Variants in FOCAD observed in about 807,000 individuals in gnomAD.
FOCAD encodes KIAA1797.
FOCAD carries 198 observed loss-of-function variants against 225.6 expected under a neutral mutation model. The ratio of observed to expected loss-of-function variants is 0.88; its 90% CI spans 0.78 to 0.99. The LOEUF is 0.99. Among genes scored for constraint, FOCAD ranks in the 50% least tolerant of loss-of-function variants. FOCAD has a pLI of 0.00. For missense variants in FOCAD, 2,713 were observed against 2,123.6 expected (o/e 1.28, Z -5.46); for synonymous variants, 897 against 755.0 (o/e 1.19, Z -3.08).
chr9:20,940,424 A>AG (rs1015127902), intron 28 of FOCAD, among the ~76,000 whole-genome samples: 3 of 151,890 alleles, frequency 2.0e-5, no homozygotes, highest in Admixed American at 2.0e-4. Context: ...AGCTGGTACT[A>AG]CAGGCATATG....
chr9:20,852,960 C>G (rs1827816179), intron 15 of FOCAD, among the ~76,000 whole-genome samples: 1 of 151,518 alleles, frequency 6.6e-6, no homozygotes, highest in African/African-American at 2.4e-5. Context: ...GGAGTCTAAC[C>G]TCTATTAGAA....
At chr9:20,678,771 ACT>A (rs1036447587) in intron 2 of FOCAD, among the ~76,000 whole-genome samples, 2 of 151,974 alleles carry the variant, frequency 1.3e-5, no homozygotes, top group Non-Finnish European at 2.9e-5. Context: ...TTGTAACTAC[ACT>A]CTCTCCTTTC....
At chr9:20,720,610 GT>G in intron 4 of FOCAD, 76 bp downstream of exon 4, 4 of 1,435,484 alleles carry the variant, frequency 2.8e-6, no homozygotes, top group Non-Finnish European at 3.8e-6. Context: ...ACTATTAAGA[GT>G]CAGCATTCAT....
intron 24 of FOCAD, among the ~76,000 whole-genome samples, chr9:20,917,505 C>T (rs984378368): frequency 2.0e-5 from 3 of 152,074 alleles, no homozygotes; most frequent in Non-Finnish European, 4.4e-5. Flanking sequence ...AAAAAATACC[C>T]GAAACTTGCT....
At chr9:20,822,672 A>G (rs1316396716) in intron 14 of FOCAD, among the ~76,000 whole-genome samples, 4 of 152,180 alleles carry the variant, frequency 2.6e-5, no homozygotes, top group African/African-American at 9.6e-5. Context: ...CAATTAGGTA[A>G]TTCAGTTCTT....
chr9:20,807,723 C>T (rs969040842), intron 11 of FOCAD, among the ~76,000 whole-genome samples: 1 of 152,138 alleles, frequency 6.6e-6, no homozygotes, highest in African/African-American at 2.4e-5. Context: ...TCCCAATGCT[C>T]ACTTTTTCAA....
chr9:20,957,633 C>A (rs1216971801), intron 35 of FOCAD: 2 of 142,280 alleles, frequency 1.4e-5, no homozygotes, highest in Non-Finnish European at 3.0e-5. Context: ...TGCCACCAAG[C>A]CCAAAGATAG....
intron 4 of FOCAD, among the ~76,000 whole-genome samples, chr9:20,739,577 TG>T (rs1426042285): frequency 2.6e-5 from 4 of 151,452 alleles, no homozygotes; most frequent in Admixed American, 2.6e-4. Flanking sequence ...AACTACAGGC[TG>T]GGCAACAAGA....
At chr9:20,750,499 G>A (rs544759625) in intron 5 of FOCAD, among the ~76,000 whole-genome samples, 2 of 152,212 alleles carry the variant, frequency 1.3e-5, no homozygotes, top group East Asian at 3.9e-4. Context: ...CAACAAATTG[G>A]ATCATCTATT....
intron 35 of FOCAD, among the ~76,000 whole-genome samples, chr9:20,964,519 G>C (rs181527511): frequency 1.3e-5 from 2 of 152,286 alleles, no homozygotes; most frequent in African/African-American, 4.8e-5. Flanking sequence ...GCACAGAAGA[G>C]TGGCAGGTGT....
intron 2 of FOCAD, among the ~76,000 whole-genome samples, chr9:20,665,312 T>G (rs1410343842): frequency 6.6e-6 from 1 of 152,140 alleles, no homozygotes; most frequent in African/African-American, 2.4e-5. Context: ...TTGCAAAGCC[T>G]TTTCTGGGAG....
At chr9:20,815,123 G>GTGTTTTTTT (rs1564024181) in intron 11 of FOCAD, among the ~76,000 whole-genome samples, 1,390 of 85,256 alleles carry the variant, frequency 0.016, 179 homozygotes, top group Middle Eastern at 0.025. Flanking sequence ...ACTTCTCTTT[G>GTGTTTTTTT]TTTTTTTTTT....
intron 29 of FOCAD, among the ~76,000 whole-genome samples, chr9:20,946,084 C>T (rs71496864): frequency 0.14 from 2,763 of 20,294 alleles, 32 homozygotes; most frequent in Middle Eastern, 0.25. Flanking sequence ...TTTATTTATT[C>T]ATTCATTCAT....
intron 42 of FOCAD, among the ~76,000 whole-genome samples, chr9:20,991,034 G>C (rs1841624626): frequency 1.3e-5 from 2 of 152,190 alleles, no homozygotes; most frequent in African/African-American, 4.8e-5. Flanking sequence ...CTCTTCTGGA[G>C]TAGGGGTGGG....
chr9:20,936,367 G>T (rs1835969167), intron 28 of FOCAD, among the ~76,000 whole-genome samples: 1 of 152,190 alleles, frequency 6.6e-6, no homozygotes. Context: ...TATGGTAGTG[G>T]TAGCTGCATG....
chr9:20,852,842 A>G (rs1827807477), intron 15 of FOCAD, among the ~76,000 whole-genome samples: 2 of 151,692 alleles, frequency 1.3e-5, no homozygotes, highest in Non-Finnish European at 3.0e-5. Flanking sequence ...TAAATACTCA[A>G]TTTGCTTTAC....
intron 15 of FOCAD, among the ~76,000 whole-genome samples, chr9:20,852,985 A>G (rs1332315): frequency 0.82 from 124,730 of 151,540 alleles, 51,501 homozygotes; most frequent in Admixed American, 0.88. Flanking sequence ...GGAAGGAGTG[A>G]CCATTAGAAA....
intron 15 of FOCAD, among the ~76,000 whole-genome samples, chr9:20,837,029 C>G (rs180762458): frequency 6.6e-6 from 1 of 152,082 alleles, no homozygotes; most frequent in East Asian, 1.9e-4. Flanking sequence ...TTTCTCTGCT[C>G]TCTGCCCTTT....
chr9:20,867,731 C>G (rs191810976), intron 18 of FOCAD, among the ~76,000 whole-genome samples: 1 of 152,016 alleles, frequency 6.6e-6, no homozygotes, highest in Non-Finnish European at 1.5e-5. Flanking sequence ...TTGAGTGCCT[C>G]TGAAGTGTCA....
Sources: allele counts gnomAD v4.1 joint callset (sites outside exome capture counted in the v4.1 genomes callset), GRCh38; gene constraint gnomAD v4.1.1; transcripts MANE v1.5; gene names NCBI Gene and HGNC (gene_info 2026-07-23, HGNC 2026-07-21).